NALCN: variants seen among roughly 807,000 people sequenced by gnomAD.
NALCN encodes the protein sodium leak channel NALCN.
Under a neutral mutation model 225.3 loss-of-function variants are expected in NALCN, and 111 were observed. The ratio of observed to expected loss-of-function variants is 0.49; its 90% confidence interval spans 0.42 to 0.58. The LOEUF (loss-of-function observed/expected upper bound fraction) is 0.58. Among genes scored for constraint, NALCN ranks in the 20% least tolerant of loss-of-function variants. The probability of loss-of-function intolerance (pLI) is 0.00; values close to 1 mark genes in which losing one functional copy is unlikely to be tolerated. For synonymous variants in NALCN, 764 were observed against 769.0 expected (o/e 0.99, Z 0.11); for missense variants, 1,378 against 2,202.4 (o/e 0.63, Z 7.49).
chr13:101,223,954 G>A (rs535693978), intron 13 of NALCN, among the ~76,000 whole-genome samples: 16 of 151,966 alleles, frequency 1.1e-4, no homozygotes, highest in Non-Finnish European at 2.4e-4. Flanking sequence ...CAGGAGACTG[G>A]GTTCTGATAA....
intron 10 of NALCN, among the ~76,000 whole-genome samples, chr13:101,261,390 T>C (rs948875639): frequency 3.9e-5 from 6 of 152,214 alleles, no homozygotes; most frequent in Non-Finnish European, 8.8e-5. Context: ...CTGTGAAGAA[T>C]ATCATTGGTA....
chr13:101,249,703 A>C (rs976541912), intron 11 of NALCN, among the ~76,000 whole-genome samples: 1 of 152,156 alleles, frequency 6.6e-6, no homozygotes, highest in African/African-American at 2.4e-5. Context: ...TACTCAACTC[A>C]TAATGAGAAA....
chr13:101,398,350 C>A (rs984538986), intron 2 of NALCN, among the ~76,000 whole-genome samples: 1 of 152,038 alleles, frequency 6.6e-6, no homozygotes, highest in African/African-American at 2.4e-5. Flanking sequence ...GGGAACAGGC[C>A]ATTTCCTTTT....
At chr13:101,270,890 T>C (rs957569427) in intron 10 of NALCN, among the ~76,000 whole-genome samples, 2 of 152,186 alleles carry the variant, frequency 1.3e-5, no homozygotes, top group Non-Finnish European at 2.9e-5. Flanking sequence ...GAAAAACTCA[T>C]CCTTCATTTT....
chr13:101,282,058 G>T (rs2043184903), intron 10 of NALCN, among the ~76,000 whole-genome samples: 1 of 152,068 alleles, frequency 6.6e-6, no homozygotes, highest in South Asian at 2.1e-4. Flanking sequence ...CTGTTGGTGG[G>T]GATTTAAATT....
intron 2 of NALCN, among the ~76,000 whole-genome samples, chr13:101,397,286 T>A (rs2047337467): frequency 1.3e-5 from 2 of 150,006 alleles, no homozygotes; most frequent in South Asian, 4.2e-4. Context: ...CCTGCATGTA[T>A]CATGGTTAGG....
At position 101,362,768 on chromosome 13, in the gene NALCN, G is replaced by A. The variant is rs76802105; in HGVS notation, c.644+13932C>T. On this transcript the variant is annotated intron_variant, in intron 6 of 43. Coordinates refer to ENST00000251127, the MANE Select transcript of NALCN (RefSeq NM_052867.4). ...AATCAGATAAGAGAAAGAAATAAAC[G>A]ACATCCAAATTGGGAAGGAAGAAAT... is the stretch of plus-strand genomic sequence containing the variant. 7.3e-3 allele frequency among the ~76,000 whole-genome samples: 1,111 copies of A among 152,052 alleles called. 14 individuals are homozygous for A. The highest frequency in any genetic ancestry group is 0.025 in the African/African-American group (1,051 of 41,494).
At chr13:101,356,110 A>T (rs2046050647) in intron 6 of NALCN, among the ~76,000 whole-genome samples, 1 of 152,210 alleles carries the variant, frequency 6.6e-6, no homozygotes, top group Non-Finnish European at 1.5e-5. Context: ...TCTCAAATGG[A>T]TACCCTAACA....
chr13:101,068,835 G>T lies in NALCN; in HGVS notation c.4198-8C>A. The T allele has an allele frequency of 6.9e-6, 11 of 1,599,176 alleles. No individual in the cohort carries two copies. Among genetic ancestry groups the T allele is most frequent in the Non-Finnish European group, 9.4e-6 (11 of 1,174,162 alleles). ...ACAAAACGGAGGCTGAACCTTTGGG[G>T]CATTGGGGTGGAAGAAGGAGAGGAT... On this transcript the variant is annotated splice_region_variant and splice_polypyrimidine_tract_variant and intron_variant, in intron 37 of 43. Coordinates refer to ENST00000251127, the MANE Select transcript of NALCN (RefSeq NM_052867.4).
chr13:101,261,556 G>A (rs2042427784), intron 10 of NALCN, among the ~76,000 whole-genome samples: 1 of 152,254 alleles, frequency 6.6e-6, no homozygotes, highest in Middle Eastern at 3.4e-3. Flanking sequence ...TCATTATGGA[G>A]ATCCTTCAAT....
intron 17 of NALCN, among the ~76,000 whole-genome samples, chr13:101,135,451 T>A (rs890007805): frequency 1.3e-5 from 2 of 152,186 alleles, no homozygotes; most frequent in African/African-American, 4.8e-5. Flanking sequence ...CAAGCTGGAG[T>A]GCAGTGGCAT....
rs1438895973 is a variant in NALCN at position 101,334,387 on chromosome 13, A to ATTCC, written c.799+10878_799+10879insGGAA. Among the ~76,000 whole-genome samples, 14 of 151,496 alleles carry ATTCC rather than the reference A, an allele frequency of 9.2e-5. 3 individuals carry two copies. Among genetic ancestry groups the ATTCC allele is most frequent in the African/African-American group, 3.2e-4 (13 of 40,844 alleles). ...GTAGGGGGAGCGGTAGGAGAGAGGC[A>ATTCC]ATCCAGGAAGAATGGGATGAACACA... On this transcript the variant is annotated intron_variant, in intron 7 of 43. Transcript: ENST00000251127.
intron 9 of NALCN, among the ~76,000 whole-genome samples, chr13:101,286,048 T>A (rs1238450386): frequency 6.6e-6 from 1 of 152,238 alleles, no homozygotes; most frequent in Admixed American, 6.5e-5. Flanking sequence ...CAAGGTCACT[T>A]ATTTGTATGA....
chr13:101,195,394 G>A (rs1219099578), intron 13 of NALCN, among the ~76,000 whole-genome samples: 4 of 152,136 alleles, frequency 2.6e-5, no homozygotes, highest in African/African-American at 9.7e-5. Context: ...AAATTTCAGT[G>A]TGGTCTAATT....
intron 11 of NALCN, among the ~76,000 whole-genome samples, chr13:101,251,031 T>A (rs2042047762): frequency 6.6e-6 from 1 of 152,028 alleles, no homozygotes; most frequent in Non-Finnish European, 1.5e-5. Context: ...TGCTCATATA[T>A]CCTGGTAGGA....
chr13:101,139,134 G>T (rs761406925), intron 17 of NALCN, among the ~76,000 whole-genome samples: 1 of 152,106 alleles, frequency 6.6e-6, no homozygotes. Flanking sequence ...GAGAAGGACA[G>T]GTATTTTAAA....
chr13:101,227,713 A>C (rs893241108), intron 13 of NALCN, among the ~76,000 whole-genome samples: 2 of 152,116 alleles, frequency 1.3e-5, no homozygotes, highest in Admixed American at 1.3e-4. Flanking sequence ...TCTCTTCTTC[A>C]GCCTCTTGAA....
intron 27 of NALCN, among the ~76,000 whole-genome samples, chr13:101,096,999 C>T (rs2034544271): frequency 6.6e-6 from 1 of 152,122 alleles, no homozygotes; most frequent in African/African-American, 2.4e-5. Context: ...TGTCCCTGGA[C>T]CAGCATCCCA....
intron 4 of NALCN, 46 bp downstream of exon 4, chr13:101,378,524 C>A: frequency 6.9e-7 from 1 of 1,445,568 alleles, no homozygotes; most frequent in Non-Finnish European, 9.5e-7. Context: ...AAAATAATTC[C>A]CATTTTGGAG....
Sources: allele counts gnomAD v4.1 joint callset (sites outside exome capture counted in the v4.1 genomes callset), GRCh38; gene constraint gnomAD v4.1.1; transcripts MANE v1.5; gene names NCBI Gene and HGNC (gene_info 2026-07-23, HGNC 2026-07-21).